Variants in WWOX observed in about 807,000 individuals in gnomAD.
The protein encoded by WWOX is WW domain-containing oxidoreductase.
Under a neutral mutation model 46.2 loss-of-function variants are expected in WWOX, and 69 were observed. The ratio of observed to expected loss-of-function variants is 1.49; its 90% CI spans 1.23 to 1.82. WWOX has a LOEUF of 1.82. Ranked by LOEUF, WWOX falls within the 40% of genes most tolerant of loss-of-function variation. The pLI is 0.00. For synonymous variants in WWOX, 359 were observed against 202.6 expected (o/e 1.77, Z -6.56); for missense variants, 919 against 542.6 (o/e 1.69, Z -6.89).
At chr16:78,458,923 T>C (rs1480007993) in intron 8 of WWOX, among the ~76,000 whole-genome samples, 1 of 152,152 alleles carries the variant, frequency 6.6e-6, no homozygotes, top group Admixed American at 6.5e-5. Context: ...TTTCCAACAA[T>C]ATTCATTCTC....
chr16:78,928,920 C>G (rs1241286743), intron 8 of WWOX, among the ~76,000 whole-genome samples: 1 of 152,198 alleles, frequency 6.6e-6, no homozygotes, highest in Non-Finnish European at 1.5e-5. Flanking sequence ...ACAATAACAA[C>G]AACCAGAAGT....
At chr16:78,677,272 T>C (rs921952002) in intron 8 of WWOX, among the ~76,000 whole-genome samples, 3 of 152,152 alleles carry the variant, frequency 2.0e-5, no homozygotes, top group African/African-American at 4.8e-5. Flanking sequence ...ACAGGATTCT[T>C]GCAAATGTTT....
rs555189464 is a variant in WWOX, at chr16:78,152,603, G to T, written c.410-11580G>T. Among the ~76,000 whole-genome samples the T allele has an allele frequency of 1.8e-3, 278 of 152,290 alleles. 1 individual carries two copies. Among genetic ancestry groups the T allele is most frequent in the African/African-American group, 6.2e-3 (259 of 41,554 alleles). On this transcript the variant is annotated intron_variant, in intron 4 of 8. Coordinates refer to ENST00000566780, the MANE Select transcript of WWOX (RefSeq NM_016373.4). ...ACCCTTGTAGAATCTGTCTGCATGT[G>T]CCTGTCTAGGACCATGTTAATTGTA...
At chr16:78,245,068 C>G (rs933312737) in intron 5 of WWOX, among the ~76,000 whole-genome samples, 6 of 152,140 alleles carry the variant, frequency 3.9e-5, no homozygotes, top group African/African-American at 9.7e-5. Context: ...TGCTTGTTAT[C>G]TCTAAATTAA....
chr16:78,674,086 T>C (rs2142211929), intron 8 of WWOX, among the ~76,000 whole-genome samples: 1 of 152,188 alleles, frequency 6.6e-6, no homozygotes, highest in South Asian at 2.1e-4. Flanking sequence ...GCAAACTTCA[T>C]GGAATTTTGC....
intron 8 of WWOX, among the ~76,000 whole-genome samples, chr16:79,029,032 T>A (rs1388683173): frequency 6.7e-6 from 1 of 149,178 alleles, no homozygotes; most frequent in East Asian, 1.9e-4. Context: ...TATTTGAGGA[T>A]GACCTGCCAA....
At chr16:78,394,238 T>C (rs999957249) in intron 6 of WWOX, among the ~76,000 whole-genome samples, 1 of 152,176 alleles carries the variant, frequency 6.6e-6, no homozygotes, top group Non-Finnish European at 1.5e-5. Context: ...TAACAGAAGA[T>C]CATCTTGCTT....
At chr16:78,677,542 G>A (rs987861591) in intron 8 of WWOX, among the ~76,000 whole-genome samples, 7 of 152,160 alleles carry the variant, frequency 4.6e-5, no homozygotes, top group African/African-American at 1.4e-4. Context: ...CTCTGCTCTA[G>A]GAGGAATAGT....
intron 8 of WWOX, among the ~76,000 whole-genome samples, chr16:78,672,235 T>C (rs568794607): frequency 6.6e-6 from 1 of 152,292 alleles, no homozygotes; most frequent in South Asian, 2.1e-4. Context: ...ATTTTCCTTT[T>C]CCATGTTCAA....
intron 8 of WWOX, among the ~76,000 whole-genome samples, chr16:79,141,369 G>T (rs191927496): frequency 6.6e-6 from 1 of 152,244 alleles, no homozygotes; most frequent in African/African-American, 2.4e-5. Flanking sequence ...ACCACTTTGG[G>T]CATGTGTCAT....
Position 79,075,130 on chromosome 16 carries a change from C to G in WWOX, c.1057-136478C>G, listed in dbSNP as rs563503561. Among the ~76,000 whole-genome samples, 12 of 152,288 alleles carry G rather than the reference C, an allele frequency of 7.9e-5. No homozygotes were observed. The East Asian group carries it at 1.9e-3, about 25-fold the overall frequency. On this transcript the variant is annotated intron_variant, in intron 8 of 8. Coordinates refer to ENST00000566780, the MANE Select transcript of WWOX (RefSeq NM_016373.4). Reference sequence around the variant, plus strand: ...TTCTCAAAATATAATTCCTGAGTCACTTGGAAGATTACAACCAACTGAATT... The same window carrying G: ...TTCTCAAAATATAATTCCTGAGTCAGTTGGAAGATTACAACCAACTGAATT...
chr16:78,810,059 A>G (rs1567575372), intron 8 of WWOX, among the ~76,000 whole-genome samples: 1 of 152,304 alleles, frequency 6.6e-6, no homozygotes, highest in East Asian at 1.9e-4. Flanking sequence ...CTTCCTGGTA[A>G]TCCTTCAGCC....
At chr16:78,647,682 T>A (rs1214764512) in intron 8 of WWOX, among the ~76,000 whole-genome samples, 1 of 152,202 alleles carries the variant, frequency 6.6e-6, no homozygotes, top group African/African-American at 2.4e-5. Context: ...CACCTTCTTA[T>A]ACCTCAAAAT....
At chr16:78,823,295 G>C (rs752149231) in intron 8 of WWOX, among the ~76,000 whole-genome samples, 4 of 152,206 alleles carry the variant, frequency 2.6e-5, no homozygotes, top group Non-Finnish European at 5.9e-5. Flanking sequence ...CGGGTTGGGG[G>C]CTGCAGGAAG....
chr16:78,853,303 C>G (rs914954415), intron 8 of WWOX, among the ~76,000 whole-genome samples: 1 of 152,118 alleles, frequency 6.6e-6, no homozygotes, highest in African/African-American at 2.4e-5. Flanking sequence ...TCACTGCAAC[C>G]TCTGTCTCCT....
intron 5 of WWOX, chr16:78,355,508 C>G (rs1052496580): frequency 2.7e-6 from 1 of 366,988 alleles, no homozygotes; most frequent in Non-Finnish European, 5.4e-6. Flanking sequence ...AGGCTGAGAC[C>G]GAAGAATTAC....
chr16:78,462,612 G>A (rs1311781857), intron 8 of WWOX, among the ~76,000 whole-genome samples: 2 of 152,206 alleles, frequency 1.3e-5, no homozygotes, highest in African/African-American at 2.4e-5. Context: ...TCAGAGGTCC[G>A]TCTCCAAGTC....
chr16:78,778,708 G>C (rs964411481), intron 8 of WWOX, among the ~76,000 whole-genome samples: 3 of 152,144 alleles, frequency 2.0e-5, no homozygotes, highest in African/African-American at 7.2e-5. Context: ...TCAAGGGAAG[G>C]TTTGCAGATT....
chr16:78,174,536 C>T (rs746585350), intron 5 of WWOX, among the ~76,000 whole-genome samples: 1 of 152,220 alleles, frequency 6.6e-6, no homozygotes, highest in African/African-American at 2.4e-5. Context: ...GTTCTTCTGA[C>T]ATGCTAAATA....
Sources: allele counts gnomAD v4.1 joint callset (sites outside exome capture counted in the v4.1 genomes callset), GRCh38; gene constraint gnomAD v4.1.1; transcripts MANE v1.5; gene names NCBI Gene and HGNC (gene_info 2026-07-23, HGNC 2026-07-21).